ADGRG6: variants seen among roughly 807,000 people sequenced by gnomAD.
The protein encoded by ADGRG6 is G-protein coupled receptor 126.
A neutral mutation model predicts 142.4 loss-of-function variants in ADGRG6; 84 were observed. The ratio of observed to expected loss-of-function variants is 0.59; its 90% CI spans 0.49 to 0.71. The LOEUF (loss-of-function observed/expected upper bound fraction) is 0.71. Among genes scored for constraint, ADGRG6 ranks in the 30% least tolerant of loss-of-function variants. ADGRG6 has a pLI of 0.00. For missense variants in ADGRG6, 1,367 were observed against 1,466.6 expected (o/e 0.93, Z 1.11); for synonymous variants, 521 against 520.5 (o/e 1.00, Z -0.01).
chr6:142,432,306 A>T (rs1777252631), intron 22 of ADGRG6, among the ~76,000 whole-genome samples: 1 of 152,186 alleles, frequency 6.6e-6, no homozygotes, highest in Non-Finnish European at 1.5e-5. Flanking sequence ...ATTTATTGCC[A>T]GACTAACTTA....
chr6:142,330,009 C>A (rs1778966807), intron 2 of ADGRG6, among the ~76,000 whole-genome samples: 1 of 151,810 alleles, frequency 6.6e-6, no homozygotes, highest in African/African-American at 2.4e-5. Context: ...TAGGCTCTGG[C>A]AAGGAAAACA....
chr6:142,416,026 TTCG>T lies in ADGRG6; in HGVS notation c.2901_2903del (p.Arg969del). 3 of 1,612,986 alleles carry T rather than the reference TTCG, an allele frequency of 1.9e-6. No homozygotes were observed. The highest frequency in any genetic ancestry group is 2.5e-6 in the Non-Finnish European group (3 of 1,179,190). On this transcript the variant is annotated inframe_deletion, in exon 20 of 25. Transcript: ENST00000367609. Reference sequence around the variant, plus strand: ...CTAGTTAAAGTATTTAACACTTACATTCGCCGATACATTCTAAAATTCTGCATC... The same window carrying T: ...CTAGTTAAAGTATTTAACACTTACATCCGATACATTCTAAAATTCTGCATC...
chr6:142,317,113 A>C (rs547114195), intron 2 of ADGRG6, among the ~76,000 whole-genome samples: 15 of 152,192 alleles, frequency 9.9e-5, no homozygotes, highest in Middle Eastern at 3.4e-3. Flanking sequence ...TGCTAAGTTG[A>C]TACAGGACAT....
intron 2 of ADGRG6, among the ~76,000 whole-genome samples, chr6:142,321,784 A>G (rs984969425): frequency 6.6e-6 from 1 of 152,286 alleles, no homozygotes; most frequent in South Asian, 2.1e-4. Context: ...GTATACATTT[A>G]TCAAAACTCA....
chr6:142,430,692 G>A (rs1777169258), intron 22 of ADGRG6, among the ~76,000 whole-genome samples: 1 of 152,090 alleles, frequency 6.6e-6, no homozygotes, highest in Admixed American at 6.6e-5. Flanking sequence ...TAAATATAAT[G>A]CCAATACTTA....
intron 2 of ADGRG6, among the ~76,000 whole-genome samples, chr6:142,337,871 G>A (rs2114699133): frequency 6.6e-6 from 1 of 150,702 alleles, no homozygotes. Context: ...CTAACACAGG[G>A]GACTCATAGA....
At chr6:142,344,036 T>G (rs2114736596) in intron 2 of ADGRG6, among the ~76,000 whole-genome samples, 1 of 152,088 alleles carries the variant, frequency 6.6e-6, no homozygotes, top group African/African-American at 2.4e-5. Flanking sequence ...CAGTTCCTAC[T>G]GGATTTTCTT....
rs1375017871 is a variant in ADGRG6 at position 142,403,813 on chromosome 6, C to T, written c.1967C>T (p.Thr656Ile). Residue 656 changes from threonine to isoleucine, a missense_variant, in exon 14 of 25, where the codon ACA becomes ATA. Coordinates refer to ENST00000367609, the MANE Select transcript of ADGRG6 (RefSeq NM_198569.3). ...LLESSSEALK[T>I]IDELAFKIDL... ...TGTCGTTACTTTAGAGCTTTAAAAA[C>T]AATTGATGAATTGGCCTTCAAGATA... The T allele has an allele frequency of 6.3e-7, 1 of 1,576,048 alleles. No individual in the cohort carries two copies. The highest frequency in any genetic ancestry group is 8.6e-7 in the Non-Finnish European group (1 of 1,165,816).
At chr6:142,347,150 A>G (rs1164342177) in intron 2 of ADGRG6, among the ~76,000 whole-genome samples, 1 of 152,186 alleles carries the variant, frequency 6.6e-6, no homozygotes, top group Non-Finnish European at 1.5e-5. Flanking sequence ...CAGGCACTAT[A>G]ATAGGCTTTG....
At chr6:142,441,058 G>C in intron 24 of ADGRG6, 1 of 575,152 alleles carries the variant, frequency 1.7e-6, no homozygotes, top group East Asian at 3.3e-5. Context: ...AAAATGGCTT[G>C]TTCTTTTCAG....
intron 2 of ADGRG6, among the ~76,000 whole-genome samples, chr6:142,355,443 A>G (rs1221310123): frequency 1.3e-5 from 2 of 152,148 alleles, no homozygotes; most frequent in Non-Finnish European, 2.9e-5. Context: ...TAAGTATTAA[A>G]ATAATATTTC....
chr6:142,394,035 CAATT>C (rs1182685675), intron 9 of ADGRG6, 77 bp downstream of exon 9: 1 of 939,258 alleles, frequency 1.1e-6, no homozygotes, highest in African/African-American at 1.6e-5. Context: ...GAAATGAAAA[CAATT>C]AGATAGGAAA....
Position 142,411,362 on chromosome 6 carries a change from G to T in ADGRG6, c.2492G>T (p.Ser831Ile). 1 of 1,609,298 alleles carries T rather than the reference G, an allele frequency of 6.2e-7. No homozygotes were observed. Among genetic ancestry groups the T allele is most frequent in the Non-Finnish European group, 8.5e-7 (1 of 1,175,806 alleles). Residue 831 changes from serine to isoleucine, a missense_variant, in exon 18 of 25, where the codon AGT (serine) becomes ATT (isoleucine). Ser to Ile is a moderately radical substitution (Grantham distance 142). Transcript: ENST00000367609. Reference protein sequence around the residue: ...GCVAHRDSDASETVCLCNHFT... With the variant: ...GCVAHRDSDAIETVCLCNHFT... Reference sequence around the variant, plus strand: ...GTTGCACACAGAGATTCAGATGCAAGTGAGACAGTCTGCCTGTGTAACCAC... The same window carrying T: ...GTTGCACACAGAGATTCAGATGCAATTGAGACAGTCTGCCTGTGTAACCAC...
intron 2 of ADGRG6, among the ~76,000 whole-genome samples, chr6:142,332,383 G>A (rs1456488492): frequency 1.3e-5 from 2 of 151,982 alleles, no homozygotes; most frequent in African/African-American, 4.8e-5. Context: ...GACATTGAAA[G>A]TTTTTTATTT....
intron 2 of ADGRG6, among the ~76,000 whole-genome samples, chr6:142,336,257 G>A (rs1335796393): frequency 1.3e-5 from 2 of 152,116 alleles, no homozygotes; most frequent in African/African-American, 2.4e-5. Flanking sequence ...TCTTCCTTAG[G>A]GAGAAGTAGA....
chr6:142,350,393 G>T (rs1780113694), intron 2 of ADGRG6, among the ~76,000 whole-genome samples: 1 of 152,180 alleles, frequency 6.6e-6, no homozygotes. Flanking sequence ...GCACAAGGTG[G>T]ATGAATTATA....
In ADGRG6 at chr6:142,415,892, C is replaced by T; in HGVS notation, c.2766C>T (p.Thr922=). The part of the protein sequence containing the change: ...NLLFLLDGWI[T]SFNVDGLCIA... ...TCTTCCTCCTAGATGGCTGGATCAC[C>T]TCCTTCAATGTGGATGGACTTTGCA... Residue 922 remains threonine, a synonymous_variant, in exon 20 of 25, where the codon ACC becomes ACT. Coordinates refer to ENST00000367609, the MANE Select transcript of ADGRG6 (RefSeq NM_198569.3). 1 of 1,613,408 alleles carries T rather than the reference C, an allele frequency of 6.2e-7. No homozygotes were observed.
At position 142,371,475 on chromosome 6, in the gene ADGRG6, TTTTTTTTTG is replaced by T. The variant is rs1781251583; in HGVS notation, c.1069+691_1069+699del. Among the ~76,000 whole-genome samples the T allele has an allele frequency of 8.1e-5, 9 of 111,312 alleles. No individual in the cohort carries two copies. The South Asian group carries it at 2.1e-3, about 26-fold the overall frequency. The allele number at this position is 111,312 out of a possible 152,430, so 73.0% of individuals were successfully genotyped here. On this transcript the variant is annotated intron_variant, in intron 4 of 24. Coordinates refer to ENST00000367609, the MANE Select transcript of ADGRG6 (RefSeq NM_198569.3). Reference sequence around the variant, plus strand: ...AGCCACCCTGCCTGGCCAGTTACTGTTTTTTTTTGTTTTTTTTTTTTTTTTTGAGACAGA... The same window carrying T: ...AGCCACCCTGCCTGGCCAGTTACTGTTTTTTTTTTTTTTTTTTGAGACAGA...
At chr6:142,369,184 T>G (rs1259018373) in intron 3 of ADGRG6, among the ~76,000 whole-genome samples, 1 of 152,222 alleles carries the variant, frequency 6.6e-6, no homozygotes, top group Non-Finnish European at 1.5e-5. Flanking sequence ...AAATACTTCT[T>G]TCTCAAATTA....
Sources: allele counts gnomAD v4.1 joint callset (sites outside exome capture counted in the v4.1 genomes callset), GRCh38; gene constraint gnomAD v4.1.1; transcripts MANE v1.5; gene names NCBI Gene and HGNC (gene_info 2026-07-23, HGNC 2026-07-21).